Variants in KIF24 observed in about 807,000 individuals in gnomAD.
KIF24 encodes the protein kinesin-like protein KIF24.
KIF24 carries 81 observed loss-of-function variants against 118.9 expected under a neutral mutation model. That is an observed-to-expected ratio of 0.68 (90% CI 0.57 to 0.82). KIF24 has a LOEUF of 0.82. KIF24 is among the 40% of genes least tolerant of loss of function. The probability of loss-of-function intolerance (pLI) is 0.00; values close to 1 mark genes in which losing one functional copy is unlikely to be tolerated. For synonymous variants in KIF24, 599 were observed against 610.0 expected (o/e 0.98, Z 0.27); for missense variants, 1,560 against 1,661.6 (o/e 0.94, Z 1.06).
At chr9:34,269,113 C>T (rs1337759378) in intron 8 of KIF24, 144 bp downstream of exon 8, 3 of 478,940 alleles carry the variant, frequency 6.3e-6, no homozygotes. Flanking sequence ...GGTCAGCCCT[C>T]TATCTCCAAC....
intron 4 of KIF24, among the ~76,000 whole-genome samples, chr9:34,293,977 T>C (rs1156256200): frequency 1.3e-5 from 2 of 152,242 alleles, no homozygotes; most frequent in Non-Finnish European, 2.9e-5. Flanking sequence ...TTTCCCTTTT[T>C]TCTCTTCTTT....
intron 4 of KIF24, among the ~76,000 whole-genome samples, chr9:34,291,619 A>G (rs575807045): frequency 6.6e-6 from 1 of 152,326 alleles, no homozygotes; most frequent in South Asian, 2.1e-4. Flanking sequence ...TGGAGTTGGG[A>G]GACCAGCCTG....
At chr9:34,301,021 G>A (rs1425249691) in intron 3 of KIF24, among the ~76,000 whole-genome samples, 2 of 152,084 alleles carry the variant, frequency 1.3e-5, no homozygotes, top group Non-Finnish European at 2.9e-5. Context: ...TATTGATTAA[G>A]GGAATTAGTA....
chr9:34,262,456 G>A (rs1439599291), intron 9 of KIF24, among the ~76,000 whole-genome samples: 1 of 150,520 alleles, frequency 6.6e-6, no homozygotes, highest in South Asian at 2.1e-4. Flanking sequence ...TATCCTTCTG[G>A]TTGCACATCC....
chr9:34,259,601 A>C lies in KIF24; in HGVS notation c.1620T>G (p.Ala540=), dbSNP rs200068021. Residue 540 remains alanine (A), a synonymous_variant, in exon 10 of 13, where the codon GCT becomes GCG. Coordinates refer to ENST00000402558, the MANE Select transcript of KIF24 (RefSeq NM_194313.4). ...CCATCTGGGAGCTGACTTACCGGTC[A>C]GCATAGCGCAAGGTGTTGAGAGTGT... The part of the protein sequence containing the change: ...TEHTLNTLRY[A]DRVKELKKGI... 1.3e-5 allele frequency: 21 copies of C among 1,613,258 alleles called. No homozygotes were observed. The East Asian group carries it at 4.7e-4, about 36-fold the overall frequency.
chr9:34,319,715 G>A, intron 1 of KIF24: 2 of 686,358 alleles, frequency 2.9e-6, no homozygotes, highest in Non-Finnish European at 5.3e-6. Flanking sequence ...ACACATGGGT[G>A]CTACTGGGAT....
intron 8 of KIF24, among the ~76,000 whole-genome samples, chr9:34,267,806 A>G (rs1587920797): frequency 6.6e-6 from 1 of 152,210 alleles, no homozygotes; most frequent in Non-Finnish European, 1.5e-5. Flanking sequence ...GGTGGCTGCC[A>G]TAGTGAACAA....
At chr9:34,329,827 T>C (rs993714776), upstream of KIF24, among the ~76,000 whole-genome samples, 1 of 150,772 alleles carries the variant, frequency 6.6e-6, no homozygotes, top group African/African-American at 2.4e-5. Flanking sequence ...CTCTGAGCCT[T>C]GCTTGTCCCC....
chr9:34,282,994 G>A (rs1010526294), intron 6 of KIF24, among the ~76,000 whole-genome samples: 3 of 143,456 alleles, frequency 2.1e-5, no homozygotes, highest in Admixed American at 7.5e-5. Flanking sequence ...AGAGGTTGCA[G>A]TGAACCCAGA....
At chr9:34,300,381 T>G (rs988531541) in intron 3 of KIF24, among the ~76,000 whole-genome samples, 2 of 152,086 alleles carry the variant, frequency 1.3e-5, no homozygotes, top group Non-Finnish European at 2.9e-5. Context: ...GTATTTTTTT[T>G]TTTTTGAGAC....
rs1157372783 is a variant in KIF24, at chr9:34,286,675, A to T, written c.1157T>A (p.Met386Lys). The T allele has an allele frequency of 6.2e-7, 1 of 1,613,434 alleles. No homozygotes were observed. Among genetic ancestry groups the T allele is most frequent in the Non-Finnish European group, 8.5e-7 (1 of 1,179,542 alleles). Residue 386 changes from methionine to lysine, a missense_variant, in exon 6 of 13, where the codon ATG becomes AAG. By Grantham distance (95) the Met-to-Lys change is moderately conservative. Transcript: ENST00000402558. Reference sequence around the variant, plus strand: ...CTCTTGCAGTCCCACTATCTGCACCATGTGCTTGCTATCTTCTCTTGCAAA... The same window carrying T: ...CTCTTGCAGTCCCACTATCTGCACCTTGTGCTTGCTATCTTCTCTTGCAAA... ...RLFAREDSKH[M>K]VQIVGLQELQ...
chr9:34,275,905 C>T (rs534837771), intron 6 of KIF24, among the ~76,000 whole-genome samples: 85 of 152,246 alleles, frequency 5.6e-4, no homozygotes, highest in African/African-American at 1.8e-3. Context: ...AGATTATCTC[C>T]ACCTAACAAC....
chr9:34,262,853 CCT>C (rs1053370793), intron 9 of KIF24, among the ~76,000 whole-genome samples: 130 of 150,624 alleles, frequency 8.6e-4, no homozygotes, highest in African/African-American at 2.9e-3. Flanking sequence ...AGAGTAAGAC[CCT>C]GTCTCAAAAA....
chr9:34,319,126 C>G (rs1465064469), intron 1 of KIF24: 1 of 1,485,256 alleles, frequency 6.7e-7, no homozygotes, highest in East Asian at 2.3e-5. Context: ...ACCAGACAGG[C>G]CTCTACAACT....
At chr9:34,307,851 ACT>A (rs1491516570) in intron 2 of KIF24, among the ~76,000 whole-genome samples, 1 of 134,502 alleles carries the variant, frequency 7.4e-6, no homozygotes, top group Non-Finnish European at 1.6e-5. Context: ...ACAGAGCAAG[ACT>A]CTGTCTGAAA....
chr9:34,258,374 C>T (rs375696589), intron 10 of KIF24, among the ~76,000 whole-genome samples: 48 of 152,078 alleles, frequency 3.2e-4, no homozygotes, highest in African/African-American at 1.0e-3. Flanking sequence ...GAGGCTGAGG[C>T]GGGGAATATT....
chr9:34,297,123 TA>T lies in KIF24; in HGVS notation c.814-10del. The T allele has an allele frequency of 2.0e-6, 3 of 1,498,266 alleles. No homozygotes were observed. Among genetic ancestry groups the T allele is most frequent in the Non-Finnish European group, 2.7e-6 (3 of 1,096,772 alleles). The allele number at this position is 1,498,266 out of a possible 1,614,324, so 92.8% of individuals were successfully genotyped here. A position where few individuals can be genotyped will look rare whatever the true frequency, so the allele number is the denominator to read the frequency against. ...TCAAAATAAAAAACATGCTGAAAAA[TA>T]AATTTGATTTTATGGAAAGAGACAC... On this transcript the variant is annotated splice_polypyrimidine_tract_variant and intron_variant, in intron 3 of 12. Transcript: ENST00000402558.
chr9:34,272,007 A>G (rs1206652502), intron 6 of KIF24, 77 bp from the exon 7 acceptor site: 2 of 1,337,098 alleles, frequency 1.5e-6, no homozygotes, highest in Non-Finnish European at 2.0e-6. Context: ...GGCTAAGAGC[A>G]GTAGACAGCA....
At chr9:34,314,824 C>T (rs1338455388) in intron 1 of KIF24, among the ~76,000 whole-genome samples, 1 of 152,016 alleles carries the variant, frequency 6.6e-6, no homozygotes, top group Admixed American at 6.6e-5. Flanking sequence ...TGAAATAATG[C>T]TATGAGACAA....
Sources: gnomAD v4.1 joint callset for allele counts (sites outside exome capture counted in the v4.1 genomes callset) on GRCh38, gnomAD v4.1.1 for gene constraint, MANE v1.5 for transcripts, NCBI Gene and HGNC (gene_info 2026-07-23, HGNC 2026-07-21) for gene names.